The following KCNIP1 variants were observed in gnomAD, a reference collection of about 807,000 sequenced individuals.
KCNIP1 encodes the protein A-type potassium channel modulatory protein KCNIP1.
A neutral mutation model predicts 33.0 loss-of-function variants in KCNIP1; 18 were observed. That is an observed-to-expected ratio of 0.55 (90% confidence interval 0.38 to 0.81). The LOEUF (loss-of-function observed/expected upper bound fraction) is 0.81. Among genes scored for constraint, KCNIP1 ranks in the 30% least tolerant of loss-of-function variants. KCNIP1 has a pLI of 0.00. For missense variants in KCNIP1, 238 were observed against 271.6 expected (o/e 0.88, Z 0.87); for synonymous variants, 93 against 98.3 (o/e 0.95, Z 0.32).
intron 1 of KCNIP1, among the ~76,000 whole-genome samples, chr5:170,692,082 A>G (rs1299109078): frequency 6.6e-6 from 1 of 152,166 alleles, no homozygotes; most frequent in Non-Finnish European, 1.5e-5. Flanking sequence ...ACATGCCCTC[A>G]ATTTTCCCCA....
intron 3 of KCNIP1, among the ~76,000 whole-genome samples, chr5:170,721,249 C>T (rs548514272): frequency 2.6e-5 from 4 of 152,156 alleles, no homozygotes; most frequent in Non-Finnish European, 4.4e-5. Flanking sequence ...GCAGTTTTGT[C>T]CCATGCAGGC....
rs75760436 is a variant in KCNIP1, at chr5:170,548,550, A to T, written c.61+43917A>T. On this transcript the variant is annotated intron_variant, in intron 1 of 7. Transcript: ENST00000328939. Reference sequence around the variant, plus strand: ...TCATTTGAGGTTTTTCAGACCACAAACCCATGTGAGAGCTCACATATGGTT... The same window carrying T: ...TCATTTGAGGTTTTTCAGACCACAATCCCATGTGAGAGCTCACATATGGTT... 5.3e-3 allele frequency among the ~76,000 whole-genome samples: 809 copies of T among 152,272 alleles called. 11 individuals are homozygous for T. The highest frequency in any genetic ancestry group is 0.018 in the African/African-American group (752 of 41,542).
chr5:170,674,474 C>T (rs1375207506), intron 1 of KCNIP1, among the ~76,000 whole-genome samples: 6 of 152,186 alleles, frequency 3.9e-5, no homozygotes, highest in African/African-American at 1.2e-4. Context: ...AATGAATGTG[C>T]TCATTATTCC....
intron 1 of KCNIP1, among the ~76,000 whole-genome samples, chr5:170,421,708 G>T (rs988227829): frequency 5.3e-5 from 8 of 152,156 alleles, no homozygotes; most frequent in Non-Finnish European, 1.0e-4. Context: ...TTCATGATTA[G>T]ATTTCAATAT....
intron 1 of KCNIP1, among the ~76,000 whole-genome samples, chr5:170,575,060 AG>A (rs1757550894): frequency 6.6e-6 from 1 of 152,190 alleles, no homozygotes; most frequent in Non-Finnish European, 1.5e-5. Flanking sequence ...CAGTAGAGGC[AG>A]GGTGAAATAG....
At chr5:170,611,171 GC>G (rs1431590889) in intron 1 of KCNIP1, among the ~76,000 whole-genome samples, 4 of 152,054 alleles carry the variant, frequency 2.6e-5, no homozygotes, top group Admixed American at 2.6e-4. Flanking sequence ...TGATTTTTTA[GC>G]CCCAGCTGGG....
At chr5:170,502,699 G>A (rs146791435), upstream of KCNIP1, among the ~76,000 whole-genome samples, 3 of 152,268 alleles carry the variant, frequency 2.0e-5, no homozygotes, top group Admixed American at 1.3e-4. Flanking sequence ...CCATACATCC[G>A]GGTATTCTGT....
At chr5:170,607,437 G>C (rs1405114938) in intron 1 of KCNIP1, among the ~76,000 whole-genome samples, 1 of 152,142 alleles carries the variant, frequency 6.6e-6, no homozygotes, top group East Asian at 1.9e-4. Context: ...TCCAAACCCA[G>C]GGCTGGGGGC....
intron 1 of KCNIP1, among the ~76,000 whole-genome samples, chr5:170,660,383 A>C (rs1215622651): frequency 6.6e-6 from 1 of 152,120 alleles, no homozygotes; most frequent in East Asian, 1.9e-4. Flanking sequence ...AAAAAAAAAA[A>C]AAACATTCAT....
chr5:170,732,726 C>A, intron 5 of KCNIP1, 74 bp from the exon 6 acceptor site: 2 of 934,720 alleles, frequency 2.1e-6, no homozygotes, highest in Non-Finnish European at 3.5e-6. Flanking sequence ...GCACAAGGAG[C>A]CCCAAACTCT....
chr5:170,687,474 A>G (rs1240867501), intron 1 of KCNIP1, among the ~76,000 whole-genome samples: 1 of 152,218 alleles, frequency 6.6e-6, no homozygotes, highest in Non-Finnish European at 1.5e-5. Flanking sequence ...GAAGTGAGCC[A>G]CCGTGCCTGG....
At chr5:170,732,231 A>G (rs989120481) in intron 5 of KCNIP1, among the ~76,000 whole-genome samples, 3 of 152,196 alleles carry the variant, frequency 2.0e-5, no homozygotes, top group Non-Finnish European at 4.4e-5. Context: ...GGTCAGAATA[A>G]TGGTTCCCAA....
chr5:170,609,163 G>A (rs965833143), intron 1 of KCNIP1, among the ~76,000 whole-genome samples: 2 of 152,184 alleles, frequency 1.3e-5, no homozygotes, highest in African/African-American at 2.4e-5. Context: ...CCCCAGGGTG[G>A]CTTCCTAACA....
intron 1 of KCNIP1, among the ~76,000 whole-genome samples, chr5:170,367,229 C>T (rs1414072565): frequency 2.0e-5 from 3 of 151,516 alleles, no homozygotes; most frequent in African/African-American, 7.3e-5. Flanking sequence ...GCAGGAGAAT[C>T]GCTTGAACCA....
At chr5:170,616,182 T>G (rs938178448) in intron 1 of KCNIP1, among the ~76,000 whole-genome samples, 2 of 152,214 alleles carry the variant, frequency 1.3e-5, no homozygotes, top group African/African-American at 4.8e-5. Flanking sequence ...AAATTGAGAA[T>G]AACAGTTTTT....
chr5:170,495,983 C>A (rs1466302689), intron 1 of KCNIP1, among the ~76,000 whole-genome samples: 1 of 152,180 alleles, frequency 6.6e-6, no homozygotes. Context: ...GAGCCCGGAG[C>A]CAGCTCTGAC....
At chr5:170,450,944 G>T (rs916142700) in intron 1 of KCNIP1, among the ~76,000 whole-genome samples, 2 of 151,928 alleles carry the variant, frequency 1.3e-5, no homozygotes, top group African/African-American at 4.9e-5. Flanking sequence ...CCATAGAGAA[G>T]GTGCTTAGTA....
intron 1 of KCNIP1, among the ~76,000 whole-genome samples, chr5:170,594,822 T>C (rs1758389239): frequency 6.6e-6 from 1 of 152,212 alleles, no homozygotes; most frequent in South Asian, 2.1e-4. Context: ...AACTACAGTT[T>C]CTTTATCTGT....
chr5:170,686,903 C>T (rs1581500633), intron 1 of KCNIP1, among the ~76,000 whole-genome samples: 3 of 152,224 alleles, frequency 2.0e-5, no homozygotes, highest in African/African-American at 7.2e-5. Context: ...GCAGATTCCT[C>T]CTCTCTACCT....
Sources: allele counts gnomAD v4.1 joint callset (sites outside exome capture counted in the v4.1 genomes callset), GRCh38; gene constraint gnomAD v4.1.1; transcripts MANE v1.5; gene names NCBI Gene and HGNC (gene_info 2026-07-23, HGNC 2026-07-21).